Variants in RIPOR2 observed in about 807,000 individuals in gnomAD.
RIPOR2 encodes the protein RHO family interacting cell polarization regulator 2.
RIPOR2 carries 39 observed loss-of-function variants against 114.5 expected under a neutral mutation model. The ratio of observed to expected loss-of-function variants is 0.34; its 90% CI spans 0.26 to 0.44. RIPOR2 has a LOEUF of 0.44. RIPOR2 is among the 20% of genes least tolerant of loss of function. The probability of loss-of-function intolerance (pLI) is 1.00; values close to 1 mark genes in which losing one functional copy is unlikely to be tolerated. For synonymous variants in RIPOR2, 445 were observed against 484.4 expected (o/e 0.92, Z 1.07); for missense variants, 1,007 against 1,255.1 (o/e 0.80, Z 2.99).
At chr6:24,937,173 T>G (rs1010299126), upstream of RIPOR2, among the ~76,000 whole-genome samples, 1 of 152,162 alleles carries the variant, frequency 6.6e-6, no homozygotes, top group African/African-American at 2.4e-5. Flanking sequence ...CCAAAGACAG[T>G]GTACAGCTTG....
chr6:24,824,967 C>A (rs1029818686), intron 19 of RIPOR2, among the ~76,000 whole-genome samples: 2 of 152,042 alleles, frequency 1.3e-5, no homozygotes, highest in African/African-American at 2.4e-5. Context: ...AGTGTGATCT[C>A]ATTTTAAAAA....
At position 24,959,522 on chromosome 6, in the gene RIPOR2, A is replaced by G. The variant is rs1773205569; in HGVS notation, c.76+82329T>C. Among the ~76,000 whole-genome samples the G allele has an allele frequency of 1.3e-5, 2 of 152,264 alleles. 1 individual carries two copies. Among genetic ancestry groups the G allele is most frequent in the African/African-American group, 4.8e-5 (2 of 41,560 alleles). ...TGGCCTCACTTCTGGTTAACCACGG[A>G]TGTAGTGCTGAAACCCAATGGGTAA... On this transcript the variant is annotated intron_variant, in intron 1 of 13. Transcript: ENST00000510784.
At chr6:24,945,339 A>G (rs367932609) in intron 1 of RIPOR2, among the ~76,000 whole-genome samples, 34 of 152,194 alleles carry the variant, frequency 2.2e-4, no homozygotes, top group Non-Finnish European at 2.8e-4. Context: ...TTACTAGTAG[A>G]TTTGCCTTGT....
chr6:24,893,126 A>G (rs2113978293), intron 1 of RIPOR2, among the ~76,000 whole-genome samples: 1 of 152,370 alleles, frequency 6.6e-6, no homozygotes, highest in African/African-American at 2.4e-5. Flanking sequence ...GCTTTAAGAT[A>G]CTTCAACAGC....
rs149789095 is a variant in RIPOR2 at position 24,935,434 on chromosome 6, A to G, written c.61+404T>C. 7.2e-3 allele frequency among the ~76,000 whole-genome samples: 1,100 copies of G among 152,006 alleles called. 7 individuals carry two copies. Among genetic ancestry groups the G allele is most frequent in the Non-Finnish European group, 9.8e-3 (664 of 67,984 alleles). On this transcript the variant is annotated intron_variant, in intron 1 of 21. Transcript: ENST00000643898. Reference sequence around the variant, plus strand: ...GTGCAAATCAAAGCAACATGGTACCATGAAAAACCACTCCTGGTCCATTTA... The same window carrying G: ...GTGCAAATCAAAGCAACATGGTACCGTGAAAAACCACTCCTGGTCCATTTA...
intron 1 of RIPOR2, among the ~76,000 whole-genome samples, chr6:24,986,208 A>G (rs1774523721): frequency 6.6e-6 from 1 of 152,192 alleles, no homozygotes; most frequent in Non-Finnish European, 1.5e-5. Flanking sequence ...TGTGATAGGT[A>G]TTATTATTAT....
chr6:24,963,308 C>T (rs2114224991), intron 1 of RIPOR2, among the ~76,000 whole-genome samples: 1 of 152,282 alleles, frequency 6.6e-6, no homozygotes, highest in Admixed American at 6.5e-5. Flanking sequence ...GCTGGGATTA[C>T]AGGCATGAGT....
At chr6:24,931,917 C>T (rs9461082) in intron 1 of RIPOR2, 55,982 of 152,070 alleles carry the variant, frequency 0.37, 10,633 homozygotes, top group Middle Eastern at 0.42. Context: ...GAGCCGTTTG[C>T]TCCCACACGT....
chr6:24,900,721 G>A lies in RIPOR2; in HGVS notation c.62-24904C>T, dbSNP rs757532648. 3.3e-5 allele frequency among the ~76,000 whole-genome samples: 5 copies of A among 152,294 alleles called. No homozygotes were observed. In the South Asian group the frequency reaches 6.2e-4, roughly 19 times the overall value. ...TGCACTGAGCTGTGATCTGGCCGCC[G>A]CACTCCAGTCTGGGTGACAGAGTGA... On this transcript the variant is annotated intron_variant, in intron 1 of 21. Coordinates refer to ENST00000643898, the MANE Select transcript of RIPOR2 (RefSeq NM_001286445.3).
chr6:24,923,043 TC>T (rs561220827), intron 1 of RIPOR2, among the ~76,000 whole-genome samples: 1 of 152,068 alleles, frequency 6.6e-6, no homozygotes, highest in South Asian at 2.1e-4. Context: ...TGCTCTCTCC[TC>T]CCCCCAGCCT....
At chr6:24,919,035 C>G (rs1473926109) in intron 1 of RIPOR2, among the ~76,000 whole-genome samples, 1 of 152,182 alleles carries the variant, frequency 6.6e-6, no homozygotes, top group Non-Finnish European at 1.5e-5. Flanking sequence ...CCCCATGGGC[C>G]CAGCACAGTT....
chr6:25,020,742 T>C (rs1481031498), intron 1 of RIPOR2, among the ~76,000 whole-genome samples: 1 of 152,214 alleles, frequency 6.6e-6, no homozygotes, highest in Non-Finnish European at 1.5e-5. Flanking sequence ...CCCAATGAGA[T>C]AAAAGAAAAT....
intron 1 of RIPOR2, among the ~76,000 whole-genome samples, chr6:25,016,562 A>G (rs1776012539): frequency 6.6e-6 from 1 of 152,222 alleles, no homozygotes; most frequent in Non-Finnish European, 1.5e-5. Flanking sequence ...GGAAAATGAA[A>G]TGTTTGATCT....
intron 1 of RIPOR2, among the ~76,000 whole-genome samples, chr6:24,982,682 G>A (rs1189471232): frequency 2.0e-5 from 3 of 152,062 alleles, no homozygotes; most frequent in South Asian, 2.1e-4. Context: ...CAATATATTC[G>A]TTTGTCAGAT....
rs374348917 is a variant in RIPOR2 at position 24,875,711 on chromosome 6, G to T, written c.168C>A (p.Gly56=). 6.2e-7 allele frequency: 1 copy of T among 1,613,418 alleles called. No homozygotes were observed. Among genetic ancestry groups the T allele is most frequent in the Non-Finnish European group, 8.5e-7 (1 of 1,179,706 alleles). The change falls in exon 2 of 22, where the codon GGC becomes GGA. Residue 56 remains glycine (G), a synonymous_variant. Coordinates refer to ENST00000643898, the MANE Select transcript of RIPOR2 (RefSeq NM_001286445.3). ...IRSQSFAGFS[G]LQERRSRCNS... Reference sequence around the variant, plus strand: ...CTTGCCTGGATCGCCTTTCCTGGAGGCCGCTGAAACCCGCAAAGGACTGGC... The same window carrying T: ...CTTGCCTGGATCGCCTTTCCTGGAGTCCGCTGAAACCCGCAAAGGACTGGC...
intron 8 of RIPOR2, among the ~76,000 whole-genome samples, chr6:24,860,556 T>C (rs958163775): frequency 6.6e-6 from 1 of 152,214 alleles, no homozygotes; most frequent in Non-Finnish European, 1.5e-5. Flanking sequence ...TTATGTAAGA[T>C]GACAGCCCCA....
chr6:24,979,315 T>C (rs1242874430), intron 1 of RIPOR2, among the ~76,000 whole-genome samples: 1 of 144,766 alleles, frequency 6.9e-6, no homozygotes, highest in Non-Finnish European at 1.5e-5. Context: ...TGCTGTTTCC[T>C]TAGCCCTGAC....
intron 5 of RIPOR2, among the ~76,000 whole-genome samples, chr6:24,870,023 A>G (rs947796652): frequency 8.6e-4 from 131 of 152,350 alleles, no homozygotes; most frequent in African/African-American, 2.8e-3. Flanking sequence ...TATTGTGCAC[A>G]TAGAAAGGCA....
chr6:24,846,300 C>CTTT lies in RIPOR2; in HGVS notation c.1164+1724_1164+1725insAAA, dbSNP rs1562253042. 6.8e-4 allele frequency among the ~76,000 whole-genome samples: 76 copies of CTTT among 111,316 alleles called. 7 individuals carry two copies. Among genetic ancestry groups the CTTT allele is most frequent in the Non-Finnish European group, 8.1e-4 (43 of 52,954 alleles). 73.0% of individuals were successfully genotyped at this position (111,316 alleles called of 152,430 possible). On this transcript the variant is annotated intron_variant, in intron 12 of 21. Coordinates refer to ENST00000643898, the MANE Select transcript of RIPOR2 (RefSeq NM_001286445.3). ...AGTTTAGCCTGGTCCTTTTCACCTG[C>CTTT]CTTTTTTTTTTTTTTTTTTTTTTTG...
Sources: gnomAD v4.1 joint callset for allele counts (sites outside exome capture counted in the v4.1 genomes callset) on GRCh38, gnomAD v4.1.1 for gene constraint, MANE v1.5 for transcripts, NCBI Gene and HGNC (gene_info 2026-07-23, HGNC 2026-07-21) for gene names.